Variants in HDAC9 observed in about 807,000 individuals in gnomAD.
HDAC9 encodes MEF-2 interacting transcription repressor (MITR) protein.
In HDAC9, 41 loss-of-function variants were observed where a neutral mutation model predicts 139.4. The observed-to-expected ratio is 0.29, with a 90% confidence interval of 0.23 to 0.38. HDAC9 has a LOEUF of 0.38. Ranked by LOEUF, HDAC9 falls within the 10% of genes least tolerant of loss-of-function variation. The pLI is 1.00. For synonymous variants in HDAC9, 517 were observed against 476.2 expected (o/e 1.09, Z -1.12); for missense variants, 1,147 against 1,297.0 (o/e 0.88, Z 1.78).
At chr7:18,280,722 C>T (rs1277106227) in intron 2 of HDAC9, among the ~76,000 whole-genome samples, 4 of 151,076 alleles carry the variant, frequency 2.6e-5, no homozygotes, top group Non-Finnish European at 4.4e-5. Context: ...ATGATTGTTC[C>T]ACTGTATTCC....
chr7:18,255,931 A>T (rs903851044), intron 2 of HDAC9, among the ~76,000 whole-genome samples: 1 of 152,110 alleles, frequency 6.6e-6, no homozygotes, highest in Non-Finnish European at 1.5e-5. Context: ...CTGGCCCAAC[A>T]TTGATGAGTT....
At chr7:18,210,169 G>A (rs569087830) in intron 2 of HDAC9, among the ~76,000 whole-genome samples, 2 of 152,182 alleles carry the variant, frequency 1.3e-5, no homozygotes, top group African/African-American at 4.8e-5. Flanking sequence ...CATTTATTGG[G>A]TACCTAGTAT....
chr7:18,832,109 G>A (rs1795896303), intron 19 of HDAC9, among the ~76,000 whole-genome samples: 1 of 152,186 alleles, frequency 6.6e-6, no homozygotes, highest in African/African-American at 2.4e-5. Flanking sequence ...GTGTGGACAG[G>A]GAGCAGGTGT....
At chr7:18,169,832 G>A (rs1440465854) in intron 2 of HDAC9, among the ~76,000 whole-genome samples, 2 of 152,102 alleles carry the variant, frequency 1.3e-5, no homozygotes, top group Non-Finnish European at 2.9e-5. Context: ...GTGTATATTT[G>A]CCACATTTTC....
At chr7:18,333,576 T>C (rs1157888623) in intron 1 of HDAC9, among the ~76,000 whole-genome samples, 1 of 151,430 alleles carries the variant, frequency 6.6e-6, no homozygotes, top group East Asian at 1.9e-4. Flanking sequence ...ATTTAGAAAA[T>C]AGTAACACCA....
chr7:18,796,878 T>G (rs1434568930), intron 17 of HDAC9, among the ~76,000 whole-genome samples: 2 of 152,244 alleles, frequency 1.3e-5, no homozygotes, highest in Non-Finnish European at 2.9e-5. Context: ...TTGACAATGC[T>G]ACCATGTCTT....
chr7:18,998,455 C>T lies in HDAC9; in HGVS notation c.*2393C>T, dbSNP rs1020577179. 1 of 152,154 alleles carries T rather than the reference C, an allele frequency of 6.6e-6. No individual in the cohort carries two copies. Among genetic ancestry groups the T allele is most frequent in the Non-Finnish European group, 1.5e-5 (1 of 68,020 alleles). The allele number at this position is 152,154 out of a possible 1,614,324, so 9.4% of individuals were successfully genotyped here. A position where few individuals can be genotyped will look rare whatever the true frequency, so the allele number is the denominator to read the frequency against. ...ATACCCAATTGGTTGCACTTAGAGTCTTTAAAATACCTGGAGAAGCAAATG... is the reference window on the plus strand; with the variant it reads ...ATACCCAATTGGTTGCACTTAGAGTTTTTAAAATACCTGGAGAAGCAAATG... On this transcript the variant is annotated 3_prime_UTR_variant, in exon 26 of 26. Coordinates refer to ENST00000686413, the MANE Select transcript of HDAC9 (RefSeq NM_178425.4).
At position 18,670,891 on chromosome 7, in the gene HDAC9, G is replaced by A. The variant is rs578248985; in HGVS notation, c.1731+4415G>A. The stretch of plus-strand genomic sequence containing the variant: ...TTTTTTTTTTTTCTAATTCTAATGA[G>A]GGTTAGGGTTAGATGAAGGTTCTAA... On this transcript the variant is annotated intron_variant, in intron 12 of 25. Transcript: ENST00000686413. Among the ~76,000 whole-genome samples the A allele has an allele frequency of 2.7e-5, 4 of 150,640 alleles. No homozygotes were observed. The East Asian group carries it at 5.9e-4, about 22-fold the overall frequency.
At chr7:18,591,166 T>G (rs1830829596) in intron 4 of HDAC9, among the ~76,000 whole-genome samples, 1 of 152,206 alleles carries the variant, frequency 6.6e-6, no homozygotes, top group Non-Finnish European at 1.5e-5. Flanking sequence ...TCAAGATAAC[T>G]TGATTATTAA....
At chr7:18,612,090 C>G (rs562234783) in intron 6 of HDAC9, among the ~76,000 whole-genome samples, 2 of 152,008 alleles carry the variant, frequency 1.3e-5, no homozygotes, top group African/African-American at 4.8e-5. Context: ...TTTGCTAATC[C>G]TATAAAGGAA....
chr7:18,354,831 C>A (rs1783128551), intron 1 of HDAC9, among the ~76,000 whole-genome samples: 1 of 152,096 alleles, frequency 6.6e-6, no homozygotes, highest in South Asian at 2.1e-4. Flanking sequence ...ATACAAAAAG[C>A]TTTAGACAGT....
chr7:18,717,247 GT>G, intron 12 of HDAC9, among the ~76,000 whole-genome samples: 1 of 152,116 alleles, frequency 6.6e-6, no homozygotes, highest in South Asian at 2.1e-4. Flanking sequence ...GCATACACCT[GT>G]TAATCCAGCT....
intron 6 of HDAC9, among the ~76,000 whole-genome samples, chr7:18,597,583 T>A (rs762887432): frequency 6.6e-6 from 1 of 152,156 alleles, no homozygotes; most frequent in Non-Finnish European, 1.5e-5. Flanking sequence ...TCACAGAGAT[T>A]CTACATATGT....
chr7:18,314,671 G>C (rs1183588265), intron 1 of HDAC9, among the ~76,000 whole-genome samples: 1 of 152,158 alleles, frequency 6.6e-6, no homozygotes, highest in African/African-American at 2.4e-5. Flanking sequence ...TTAAGAGTGA[G>C]ATTTTATTCT....
At chr7:18,639,219 T>C (rs1040263876) in intron 8 of HDAC9, among the ~76,000 whole-genome samples, 8 of 152,108 alleles carry the variant, frequency 5.3e-5, no homozygotes, top group Admixed American at 1.3e-4. Flanking sequence ...TGTTTCATAA[T>C]AGTTGTTGTG....
At chr7:18,657,321 A>G (rs1282614741) in intron 11 of HDAC9, among the ~76,000 whole-genome samples, 1 of 152,104 alleles carries the variant, frequency 6.6e-6, no homozygotes, top group Non-Finnish European at 1.5e-5. Context: ...GAATTGATCA[A>G]TGGGGGAAAT....
At chr7:18,855,600 C>A (rs1438613480) in intron 21 of HDAC9, among the ~76,000 whole-genome samples, 1 of 151,970 alleles carries the variant, frequency 6.6e-6, no homozygotes, top group Non-Finnish European at 1.5e-5. Context: ...TTTCAACTGC[C>A]TGTGGTTTCA....
intron 25 of HDAC9, among the ~76,000 whole-genome samples, chr7:18,981,606 A>G (rs1399907098): frequency 6.6e-6 from 1 of 152,064 alleles, no homozygotes; most frequent in Non-Finnish European, 1.5e-5. Flanking sequence ...CCCTTCTTCC[A>G]TCTTTAAAGC....
At chr7:18,217,714 G>A (rs115621205) in intron 2 of HDAC9, among the ~76,000 whole-genome samples, 2,359 of 152,284 alleles carry the variant, frequency 0.015, 60 homozygotes, top group African/African-American at 0.053. Flanking sequence ...TTTTAAAATG[G>A]CAGTTTATTC....
Sources: gnomAD v4.1 joint callset for allele counts (sites outside exome capture counted in the v4.1 genomes callset) on GRCh38, gnomAD v4.1.1 for gene constraint, MANE v1.5 for transcripts, NCBI Gene and HGNC (gene_info 2026-07-23, HGNC 2026-07-21) for gene names.